The following PLAGL1 variants were observed in gnomAD, a reference collection of about 807,000 sequenced individuals.
The protein encoded by PLAGL1 is zinc finger protein PLAGL1.
PLAGL1 carries 1 observed loss-of-function variant against 4.6 expected under a neutral mutation model. The observed-to-expected ratio is 0.22, with a 90% CI of 0.08 to 1.03. The LOEUF is 1.03. PLAGL1 is among the 50% of genes least tolerant of loss of function. The pLI is 0.58. For synonymous variants in PLAGL1, 240 were observed against 237.8 expected (o/e 1.01, Z -0.08); for missense variants, 464 against 570.4 (o/e 0.81, Z 1.90).
chr6:144,052,287 C>G (rs1347924558), intron 1 of PLAGL1, among the ~76,000 whole-genome samples: 3 of 152,150 alleles, frequency 2.0e-5, no homozygotes, highest in Non-Finnish European at 4.4e-5. Context: ...GTCAATCAAT[C>G]AATCAATCAA....
At chr6:143,977,072 A>G (rs1216414594) in intron 2 of PLAGL1, among the ~76,000 whole-genome samples, 3 of 146,996 alleles carry the variant, frequency 2.0e-5, no homozygotes, top group Non-Finnish European at 4.5e-5. Context: ...GCAATTTCCC[A>G]TATACTCCCT....
intron 1 of PLAGL1, among the ~76,000 whole-genome samples, chr6:143,998,694 G>C (rs1413455360): frequency 6.6e-6 from 1 of 152,162 alleles, no homozygotes; most frequent in Non-Finnish European, 1.5e-5. Context: ...ATAAATTATA[G>C]GGTTTCTATG....
At position 143,945,259 on chromosome 6, in the gene PLAGL1, C is replaced by T. The variant is rs754919401; in HGVS notation, c.153-2596G>A. 2.0e-5 allele frequency among the ~76,000 whole-genome samples: 3 copies of T among 152,164 alleles called. No homozygotes were observed. The highest frequency in any genetic ancestry group is 4.4e-5 in the Non-Finnish European group (3 of 68,028). ...AAACAGCTTTAGTATGTCCTAGAGT[C>T]AGTACCCAATGCCACCATCTTTGGG... On this transcript the variant is annotated intron_variant, in intron 7 of 7. Transcript: ENST00000674357. The surrounding 1 kb of genome is among the most constrained non-coding windows in gnomAD (Gnocchi z 4.2).
At chr6:144,062,211 A>G (rs1583935301) in intron 1 of PLAGL1, among the ~76,000 whole-genome samples, 1 of 152,082 alleles carries the variant, frequency 6.6e-6, no homozygotes, top group African/African-American at 2.4e-5. Context: ...CCCTGTCTCT[A>G]CTAAAAATAC....
In PLAGL1 at chr6:143,942,136, G is replaced by T. The variant is rs1205860319; in HGVS notation, c.680C>A (p.Thr227Asn). ...CTTCAGTTGGAATGAAGGCGAGATG[G>T]TGTGGAAGGTGCTCAGAAGGTCTCC... ...QTGDLLSTFH[T>N]ISPSFQLKAA... Residue 227 changes from threonine to asparagine, a missense_variant, in exon 8 of 8, where the codon ACC becomes AAC. Around this residue, in one of 4 missense-constraint regions of PLAGL1, gnomAD observed 248 missense variants for 250.1 expected, o/e 0.99. Coordinates refer to ENST00000674357, the MANE Select transcript of PLAGL1 (RefSeq NM_001317162.2). This position sits in a 1 kb window ranked among gnomAD's most constrained non-coding sequence, Gnocchi z 7.6. The T allele has an allele frequency of 1.2e-6, 2 of 1,614,208 alleles. No homozygotes were observed. Among genetic ancestry groups the T allele is most frequent in the East Asian group, 4.5e-5 (2 of 44,878 alleles).
At chr6:143,969,179 T>C (rs1256649983) in intron 2 of PLAGL1, among the ~76,000 whole-genome samples, 3 of 151,924 alleles carry the variant, frequency 2.0e-5, no homozygotes, top group African/African-American at 7.3e-5. Flanking sequence ...CCTTAAGGGA[T>C]CTTTAGTTTT....
Position 144,053,966 on chromosome 6 carries a change from A to C in PLAGL1, c.-151+10502T>G, listed in dbSNP as rs1337647992. Among the ~76,000 whole-genome samples the C allele has an allele frequency of 6.6e-6, 1 of 152,202 alleles. No homozygotes were observed. The highest frequency in any genetic ancestry group is 2.4e-5 in the African/African-American group (1 of 41,450). ...CAAGAAGAACACCATCAACTTCAAA[A>C]TCCATCAGGAAAGGGATATTCATTT... is the stretch of plus-strand genomic sequence containing the variant. On this transcript the variant is annotated intron_variant, in intron 1 of 3. Transcript: ENST00000437412. This position sits in a 1 kb window ranked among gnomAD's most constrained non-coding sequence, Gnocchi z 4.0.
In PLAGL1 at chr6:143,941,389, C is replaced by T. The variant is rs771959962; in HGVS notation, c.*35G>A. 3 of 1,465,836 alleles carry T rather than the reference C, an allele frequency of 2.0e-6. No homozygotes were observed. In the African/African-American group the frequency reaches 4.2e-5, roughly 21 times the overall value. 90.8% of individuals were successfully genotyped at this position (1,465,836 alleles called of 1,614,324 possible). On this transcript the variant is annotated 3_prime_UTR_variant, in exon 8 of 8. Coordinates refer to ENST00000674357, the MANE Select transcript of PLAGL1 (RefSeq NM_001317162.2). The surrounding 1 kb of genome is among the most constrained non-coding windows in gnomAD (Gnocchi z 6.0). ...ACATTTAAAATGCTTCTTAAAACAT[C>T]TTCCAGAATACGAAAAATACACTTT...
intron 1 of PLAGL1, among the ~76,000 whole-genome samples, chr6:143,992,536 G>A (rs1042374629): frequency 1.2e-4 from 18 of 152,164 alleles, no homozygotes; most frequent in African/African-American, 2.7e-4. Context: ...TTGGTTTAGC[G>A]GTCAGCAGGT....
At position 143,942,377 on chromosome 6, in the gene PLAGL1, G is replaced by T. The variant is rs769737512; in HGVS notation, c.439C>A (p.Pro147Thr). 1.2e-5 allele frequency: 20 copies of T among 1,614,058 alleles called. No individual in the cohort carries two copies. In the African/African-American group the frequency reaches 1.7e-4, roughly 14 times the overall value. Residue 147 changes from proline (P) to threonine (T), a missense_variant, in exon 8 of 8, where the codon CCC becomes ACC. Pro to Thr is a conservative substitution (Grantham distance 38, BLOSUM62 -1). Coordinates refer to ENST00000674357, the MANE Select transcript of PLAGL1 (RefSeq NM_001317162.2). This position sits in a 1 kb window ranked among gnomAD's most constrained non-coding sequence, Gnocchi z 7.6. Reference protein sequence around the residue: ...DHLKAHAEEKPPSGTKEKKHQ... With the variant: ...DHLKAHAEEKTPSGTKEKKHQ... ...TTCTTTTCCTTGGTTCCGCTAGGGG[G>T]CTTCTCTTCCGCATGGGCTTTGAGG...
At chr6:144,052,971 A>T (rs575931431) in intron 1 of PLAGL1, among the ~76,000 whole-genome samples, 18 of 152,318 alleles carry the variant, frequency 1.2e-4, no homozygotes, top group African/African-American at 3.6e-4. Flanking sequence ...GAGAAGACTG[A>T]AGGGGGTCAC....
chr6:143,972,959 C>T lies in PLAGL1; in HGVS notation c.-543-3981G>A, dbSNP rs1415583777. 1.3e-5 allele frequency among the ~76,000 whole-genome samples: 2 copies of T among 152,184 alleles called. No homozygotes were observed. Among genetic ancestry groups the T allele is most frequent in the Non-Finnish European group, 2.9e-5 (2 of 68,032 alleles). On this transcript the variant is annotated intron_variant, in intron 2 of 7. Coordinates refer to ENST00000674357, the MANE Select transcript of PLAGL1 (RefSeq NM_001317162.2). This position sits in a 1 kb window ranked among gnomAD's most constrained non-coding sequence, Gnocchi z 6.8. ...ACCTCCATTGTTCATTACACACTAGCCCCAAACTTGAGTAATTCTAATGTA... is the reference window on the plus strand; with the variant it reads ...ACCTCCATTGTTCATTACACACTAGTCCCAAACTTGAGTAATTCTAATGTA...
rs1171463800 is a variant in PLAGL1, at chr6:143,958,529, C to T, written c.-325+1940G>A. Among the ~76,000 whole-genome samples the T allele has an allele frequency of 2.6e-5, 4 of 152,170 alleles. No individual in the cohort carries two copies. Among genetic ancestry groups the T allele is most frequent in the African/African-American group, 9.7e-5 (4 of 41,444 alleles). Reference sequence around the variant, plus strand: ...TTCCTCCAGAAGCATGCCTGTCTGCCTCTCGGGACACAGGCCGTACTTTAT... The same window carrying T: ...TTCCTCCAGAAGCATGCCTGTCTGCTTCTCGGGACACAGGCCGTACTTTAT... On this transcript the variant is annotated intron_variant, in intron 6 of 7. Transcript: ENST00000674357. The surrounding 1 kb of genome is among the most constrained non-coding windows in gnomAD (Gnocchi z 5.1).
At chr6:144,023,140 T>G (rs9496841) in intron 1 of PLAGL1, among the ~76,000 whole-genome samples, 4,029 of 152,316 alleles carry the variant, frequency 0.026, 196 homozygotes, top group African/African-American at 0.09. Context: ...TTGAAAAGAC[T>G]ACATACTGTA....
rs1778398824 is a variant in PLAGL1 at position 143,940,694 on chromosome 6, T to TG, written c.*729dup. The TG allele has an allele frequency of 6.6e-6, 1 of 152,176 alleles. No homozygotes were observed. The highest frequency in any genetic ancestry group is 6.6e-5 in the Admixed American group (1 of 15,208). The allele number at this position is 152,176 out of a possible 1,614,324, so 9.4% of individuals were successfully genotyped here. On this transcript the variant is annotated 3_prime_UTR_variant, in exon 8 of 8. Transcript: ENST00000674357. ...CAGCAAAATGCCTTTGACTGACGCC[T>TG]GGATTATTTTACCACTTAACCTGGT...
At position 143,979,183 on chromosome 6, in the gene PLAGL1, A is replaced by AT. The variant is rs1057124831; in HGVS notation, c.-544+5951dup. ...ATTTGTGTCTTTACACATGAAGTGC[A>AT]TTTTTTTGTAGGCAGCATATAGTTA... On this transcript the variant is annotated intron_variant, in intron 2 of 7. Coordinates refer to ENST00000674357, the MANE Select transcript of PLAGL1 (RefSeq NM_001317162.2). This position sits in a 1 kb window ranked among gnomAD's most constrained non-coding sequence, Gnocchi z 4.6. Among the ~76,000 whole-genome samples the AT allele has an allele frequency of 8.5e-5, 13 of 152,170 alleles. No homozygotes were observed. The highest frequency in any genetic ancestry group is 2.1e-4 in the South Asian group (1 of 4,824).
chr6:144,012,317 A>G (rs993336751), upstream of PLAGL1, among the ~76,000 whole-genome samples: 14 of 151,996 alleles, frequency 9.2e-5, no homozygotes, highest in Admixed American at 2.0e-4. The surrounding 1 kb of genome is among the most constrained non-coding windows in gnomAD (Gnocchi z 4.8). Flanking sequence ...GGTTCAAGCA[A>G]TTCTCCTGTC....
chr6:144,062,494 A>AAC (rs1562625513), intron 1 of PLAGL1, among the ~76,000 whole-genome samples: 10 of 135,144 alleles, frequency 7.4e-5, no homozygotes, highest in Non-Finnish European at 1.1e-4. Flanking sequence ...AAAAAAAAAA[A>AAC]ACACAGATTT....
At chr6:144,011,605 A>G (rs755794233), upstream of PLAGL1, among the ~76,000 whole-genome samples, 4 of 152,148 alleles carry the variant, frequency 2.6e-5, no homozygotes, top group South Asian at 2.1e-4. This position sits in a 1 kb window ranked among gnomAD's most constrained non-coding sequence, Gnocchi z 4.3. Flanking sequence ...TGTCCCATGT[A>G]TATTATATAT....
Sources: allele counts gnomAD v4.1 joint callset (sites outside exome capture counted in the v4.1 genomes callset), GRCh38; gene constraint gnomAD v4.1.1; regional missense constraint gnomAD v4.1.1; non-coding constraint Gnocchi (gnomAD v3.1); transcripts MANE v1.5; gene names NCBI Gene and HGNC (gene_info 2026-07-23, HGNC 2026-07-21).